The following SV2B variants were observed in gnomAD, a reference collection of about 807,000 sequenced individuals.
SV2B encodes the protein solute carrier family 22 member B2.
SV2B carries 41 observed loss-of-function variants against 73.9 expected under a neutral mutation model. The observed-to-expected ratio is 0.56, with a 90% confidence interval of 0.43 to 0.72. The LOEUF (loss-of-function observed/expected upper bound fraction) is 0.72, where lower values mean the gene tolerates loss of function less well. Ranked by LOEUF, SV2B falls within the 30% of genes least tolerant of loss-of-function variation. The pLI is 0.00. For synonymous variants in SV2B, 314 were observed against 314.2 expected, an observed-to-expected ratio of 1.00 and a Z score of 0.01; for missense variants, 764 against 857.8, an observed-to-expected ratio of 0.89 and a Z score of 1.37.
intron 1 of SV2B, among the ~76,000 whole-genome samples, chr15:91,108,499 G>C (rs1275784145): frequency 6.6e-6 from 1 of 152,186 alleles, no homozygotes; most frequent in Non-Finnish European, 1.5e-5. Context: ...CCTGTTCCAG[G>C]CACATAGTAG....
Position 91,289,527 on chromosome 15 carries a change from C to T in SV2B, c.1715C>T (p.Ser572Phe). ...RIGRLKMIGG[S>F]MLISAVCCFF... Reference sequence around the variant, plus strand: ...CCTTGAACTCCCTCTGCAGGTGGCTCCATGCTAATCTCTGCAGTCTGCTGC... The same window carrying T: ...CCTTGAACTCCCTCTGCAGGTGGCTTCATGCTAATCTCTGCAGTCTGCTGC... Residue 572 changes from serine to phenylalanine, a missense_variant, in exon 12 of 13, where the codon TCC becomes TTC. Physicochemically the swap from Ser to Phe is radical, Grantham distance 155. Transcript: ENST00000394232. This position sits in a 1 kb window ranked among gnomAD's most constrained non-coding sequence, Gnocchi z 4.9. The T allele has an allele frequency of 1.2e-6, 2 of 1,614,228 alleles. No homozygotes were observed. The highest frequency in any genetic ancestry group is 1.7e-6 in the Non-Finnish European group (2 of 1,180,036).
intron 1 of SV2B, among the ~76,000 whole-genome samples, chr15:91,180,082 G>A: frequency 6.6e-6 from 1 of 151,794 alleles, no homozygotes; most frequent in Non-Finnish European, 1.5e-5. Context: ...TTTTAGGGCA[G>A]GCCTGGTGGT....
rs953891133 is a variant in SV2B at position 91,240,802 on chromosome 15, A to G, written c.452-11017A>G. On this transcript the variant is annotated intron_variant, in intron 2 of 12. Coordinates refer to ENST00000394232, the MANE Select transcript of SV2B (RefSeq NM_001323032.3). This position sits in a 1 kb window ranked among gnomAD's most constrained non-coding sequence, Gnocchi z 4.6. Reference sequence around the variant, plus strand: ...ACACTGTACATGCCTCCGTTCCCCTATGTTTCCCCCTTCTCCTCTGAGGAT... The same window carrying G: ...ACACTGTACATGCCTCCGTTCCCCTGTGTTTCCCCCTTCTCCTCTGAGGAT... Among the ~76,000 whole-genome samples the G allele has an allele frequency of 6.6e-6, 1 of 151,952 alleles. No homozygotes were observed. Among genetic ancestry groups the G allele is most frequent in the Non-Finnish European group, 1.5e-5 (1 of 67,988 alleles).
rs935753092 is a variant in SV2B at position 91,268,816 on chromosome 15, C to T, written c.1373+211C>T. ...TGTGCTGGCTCCCCGACACCCTAAT[C>T]TCCTGGTGAGAGCTATTTCATGTGA... On this transcript the variant is annotated intron_variant, in intron 9 of 12. Coordinates refer to ENST00000394232, the MANE Select transcript of SV2B (RefSeq NM_001323032.3). The surrounding 1 kb of genome is among the most constrained non-coding windows in gnomAD (Gnocchi z 4.4). Among the ~76,000 whole-genome samples the T allele has an allele frequency of 3.9e-5, 6 of 152,182 alleles. No individual in the cohort carries two copies. Among genetic ancestry groups the T allele is most frequent in the Non-Finnish European group, 5.9e-5 (4 of 68,034 alleles).
At chr15:91,198,124 G>C (rs960319683) in intron 1 of SV2B, among the ~76,000 whole-genome samples, 1 of 152,182 alleles carries the variant, frequency 6.6e-6, no homozygotes, top group Non-Finnish European at 1.5e-5. Context: ...GTGAGGAAAA[G>C]AAAGGAGCCA....
rs1282864244 is a variant in SV2B at position 91,197,867 on chromosome 15, C to A, written c.-391-28006C>A. Among the ~76,000 whole-genome samples the A allele has an allele frequency of 6.6e-6, 1 of 151,974 alleles. No homozygotes were observed. Among genetic ancestry groups the A allele is most frequent in the Non-Finnish European group, 1.5e-5 (1 of 67,994 alleles). ...TGGCCAACATGGTGAAAACCCATCT[C>A]TACAAAAAATACAAAAATTAGCCAG... On this transcript the variant is annotated intron_variant, in intron 1 of 12. Transcript: ENST00000394232. This position sits in a 1 kb window ranked among gnomAD's most constrained non-coding sequence, Gnocchi z 4.9.
intron 1 of SV2B, among the ~76,000 whole-genome samples, chr15:91,187,898 C>T (rs2044837724): frequency 6.6e-6 from 1 of 151,974 alleles, no homozygotes. Flanking sequence ...AATAGGCTAG[C>T]TTTGATTCGT....
chr15:91,140,614 C>T lies in SV2B; in HGVS notation c.-392+40251C>T, dbSNP rs758816014. Among the ~76,000 whole-genome samples the T allele has an allele frequency of 4.6e-5, 7 of 152,166 alleles. No homozygotes were observed. The highest frequency in any genetic ancestry group is 8.8e-5 in the Non-Finnish European group (6 of 68,040). On this transcript the variant is annotated intron_variant, in intron 1 of 12. Coordinates refer to ENST00000394232, the MANE Select transcript of SV2B (RefSeq NM_001323032.3). This position sits in a 1 kb window ranked among gnomAD's most constrained non-coding sequence, Gnocchi z 4.4. ...GTAGCCCATTGCTCTCCTCTTTGAT[C>T]TCCTCCAACAGAGTGGAGAACATGT...
rs768955296 is a variant in SV2B, at chr15:91,266,573, A to G, written c.1009-9A>G. On this transcript the variant is annotated splice_polypyrimidine_tract_variant and intron_variant, in intron 6 of 12. Transcript: ENST00000394232. ...TTCAAATTCTCTATATCCTATTTTT[A>G]CTTTTCAGGTTTCCAACATCAAAAC... is the stretch of plus-strand genomic sequence containing the variant. 7 of 1,607,868 alleles carry G rather than the reference A, an allele frequency of 4.4e-6. No homozygotes were observed. The highest frequency in any genetic ancestry group is 6.0e-6 in the Non-Finnish European group (7 of 1,175,020).
At chr15:91,211,801 CTTT>C (rs775815258) in intron 1 of SV2B, among the ~76,000 whole-genome samples, 6 of 105,996 alleles carry the variant, frequency 5.7e-5, no homozygotes, top group African/African-American at 1.6e-4. Flanking sequence ...CTCGCCTGGG[CTTT>C]TTTTTTTTTT....
chr15:91,182,885 A>G (rs1305859718), intron 1 of SV2B, among the ~76,000 whole-genome samples: 1 of 152,202 alleles, frequency 6.6e-6, no homozygotes, highest in Non-Finnish European at 1.5e-5. Context: ...CCAAGTTTGG[A>G]AAGTACTAGA....
intron 1 of SV2B, among the ~76,000 whole-genome samples, chr15:91,181,158 C>T (rs2044540735): frequency 6.6e-6 from 1 of 152,204 alleles, no homozygotes. Context: ...CAGAGGTCCA[C>T]TCCAGACCCT....
At chr15:91,157,201 A>T (rs1005451870) in intron 1 of SV2B, among the ~76,000 whole-genome samples, 4 of 152,182 alleles carry the variant, frequency 2.6e-5, no homozygotes, top group African/African-American at 9.7e-5. Context: ...CCTTCCGGGA[A>T]GCATGTCCTG....
chr15:91,103,172 G>A lies in SV2B; in HGVS notation c.-392+2809G>A, dbSNP rs527244450. On this transcript the variant is annotated intron_variant, in intron 1 of 12. Coordinates refer to ENST00000394232, the MANE Select transcript of SV2B (RefSeq NM_001323032.3). ...TTGGTTGGTAGATATAAGTACTTGT[G>A]GTCATTCAGAGCATAAACGAATGCA... 2.0e-5 allele frequency among the ~76,000 whole-genome samples: 3 copies of A among 152,260 alleles called. No individual in the cohort carries two copies. The East Asian group carries it at 5.8e-4, about 29-fold the overall frequency.
Position 91,197,216 on chromosome 15 carries a change from TTTTTG to T in SV2B, c.-391-28631_-391-28627del, listed in dbSNP as rs781598060. ...TGTTTTGTTTTTGTGTTTTTTTTGT[TTTTTG>T]TTTTGTTTTGTTTTGTTTTGTTTTG... On this transcript the variant is annotated intron_variant, in intron 1 of 12. Coordinates refer to ENST00000394232, the MANE Select transcript of SV2B (RefSeq NM_001323032.3). The surrounding 1 kb of genome is among the most constrained non-coding windows in gnomAD (Gnocchi z 4.9). Among the ~76,000 whole-genome samples, 103 of 145,002 alleles carry T rather than the reference TTTTTG, an allele frequency of 7.1e-4. No homozygotes were observed. The highest frequency in any genetic ancestry group is 1.8e-3 in the African/African-American group (64 of 35,042).
intron 1 of SV2B, among the ~76,000 whole-genome samples, chr15:91,182,005 A>C (rs923711257): frequency 3.9e-5 from 6 of 152,260 alleles, no homozygotes; most frequent in African/African-American, 1.4e-4. Flanking sequence ...AAGGACAAGG[A>C]GACATTTTGC....
At chr15:91,177,322 G>C (rs2044352927) in intron 1 of SV2B, among the ~76,000 whole-genome samples, 1 of 151,834 alleles carries the variant, frequency 6.6e-6, no homozygotes, top group Non-Finnish European at 1.5e-5. Flanking sequence ...AAGTCAGGGA[G>C]CGTGATGCCT....
chr15:91,280,534 A>T lies in SV2B; in HGVS notation c.1374-1194A>T, dbSNP rs1418106721. ...AAAGTGTTGTAATTATTTGCAAATGAAGACATATTTAAAGGCTTCCAGCCT... is the reference window on the plus strand; with the variant it reads ...AAAGTGTTGTAATTATTTGCAAATGTAGACATATTTAAAGGCTTCCAGCCT... On this transcript the variant is annotated intron_variant, in intron 9 of 12. Coordinates refer to ENST00000394232, the MANE Select transcript of SV2B (RefSeq NM_001323032.3). The surrounding 1 kb of genome is among the most constrained non-coding windows in gnomAD (Gnocchi z 5.8). Among the ~76,000 whole-genome samples, 1 of 152,256 alleles carries T rather than the reference A, an allele frequency of 6.6e-6. No individual in the cohort carries two copies. Among genetic ancestry groups the T allele is most frequent in the Non-Finnish European group, 1.5e-5 (1 of 68,044 alleles).
intron 1 of SV2B, among the ~76,000 whole-genome samples, chr15:91,217,006 G>C (rs533101694): frequency 1.1e-4 from 17 of 150,570 alleles, no homozygotes; most frequent in African/African-American, 4.2e-4. Context: ...TCCTGCCTCA[G>C]CATCCTGAAT....
Sources: allele counts gnomAD v4.1 joint callset (sites outside exome capture counted in the v4.1 genomes callset), GRCh38; gene constraint gnomAD v4.1.1; non-coding constraint Gnocchi (gnomAD v3.1); transcripts MANE v1.5; gene names NCBI Gene and HGNC (gene_info 2026-07-23, HGNC 2026-07-21).